POLA1: variants seen among roughly 807,000 people sequenced by gnomAD.
The protein encoded by POLA1 is DNA polymerase alpha catalytic subunit.
Under a neutral mutation model 124.0 loss-of-function variants are expected in POLA1, and 15 were observed. The observed-to-expected ratio is 0.12, with a 90% CI of 0.08 to 0.19. The LOEUF (loss-of-function observed/expected upper bound fraction) is 0.19, where lower values mean the gene tolerates loss of function less well. Among genes scored for constraint, POLA1 ranks in the 10% least tolerant of loss-of-function variants. POLA1 has a pLI of 1.00. For missense variants in POLA1, 886 were observed against 1,103.4 expected (o/e 0.80, Z 2.79); for synonymous variants, 408 against 389.4 (o/e 1.05, Z -0.56).
intron 34 of POLA1, among the ~76,000 whole-genome samples, chrX:24,865,724 A>C (rs1306756455): frequency 8.9e-6 from 1 of 111,821 alleles, no homozygotes; most frequent in African/African-American, 3.2e-5. Context: ...TCAATTTAGG[A>C]TAGAATGCTG....
At chrX:24,830,772 T>A (rs1410079144) in intron 32 of POLA1, among the ~76,000 whole-genome samples, 1 of 112,377 alleles carries the variant, frequency 8.9e-6, no homozygotes, top group East Asian at 2.8e-4. Flanking sequence ...AGGCCAGTGA[T>A]GAGAATAGTC....
At chrX:24,728,037 G>T (rs773919821) in intron 15 of POLA1, 101 bp downstream of exon 15, 3 of 592,147 alleles carry the variant, frequency 5.1e-6, no homozygotes, top group Non-Finnish European at 7.8e-6. Flanking sequence ...TTTTGGAGGG[G>T]AAAGAATACT....
chrX:24,827,880 A>G lies in POLA1; in HGVS notation c.3736+1279A>G, dbSNP rs1374049987. ...CCTTCAGTCTGTAAGATTTGTATAT[A>G]CTTAGTGCTCAACTACGTTTGTAGA... On this transcript the variant is annotated intron_variant, in intron 32 of 36. Coordinates refer to ENST00000379068, the MANE Select transcript of POLA1 (RefSeq NM_001330360.2). Among the ~76,000 whole-genome samples the G allele has an allele frequency of 2.7e-5, 3 of 112,079 alleles. No homozygotes were observed. The Admixed American group carries it at 2.8e-4, about 11-fold the overall frequency.
intron 35 of POLA1, among the ~76,000 whole-genome samples, chrX:24,891,425 C>T (rs1484176601): frequency 1.8e-5 from 2 of 111,397 alleles, no homozygotes; most frequent in Non-Finnish European, 1.9e-5. Flanking sequence ...CTTATGTACT[C>T]GATTTTGAGT....
intron 2 of POLA1, among the ~76,000 whole-genome samples, chrX:24,702,843 C>G (rs1199335685): frequency 8.9e-6 from 1 of 112,354 alleles, no homozygotes; most frequent in South Asian, 3.7e-4. Context: ...GAGCGTACAT[C>G]AGCTAGTGGA....
chrX:24,850,780 C>T (rs938460373), intron 34 of POLA1, among the ~76,000 whole-genome samples: 3 of 112,013 alleles, frequency 2.7e-5, no homozygotes, highest in African/African-American at 9.7e-5. Flanking sequence ...GGATGGAGAA[C>T]TATATGGGAT....
At chrX:24,713,573 C>T (rs1246811327) in intron 4 of POLA1, among the ~76,000 whole-genome samples, 1 of 110,680 alleles carries the variant, frequency 9.0e-6, no homozygotes, top group African/African-American at 3.3e-5. Flanking sequence ...GTGGCAACCA[C>T]GCCTGGCTAA....
chrX:24,709,019 A>ACC (rs1219753299), intron 4 of POLA1, among the ~76,000 whole-genome samples: 1 of 75,688 alleles, frequency 1.3e-5, no homozygotes, highest in South Asian at 6.9e-4. Context: ...AGGGGGGCTG[A>ACC]CCCCCCCCAC....
intron 34 of POLA1, among the ~76,000 whole-genome samples, chrX:24,866,234 C>T (rs948451081): frequency 1.8e-5 from 2 of 111,977 alleles, no homozygotes; most frequent in African/African-American, 3.2e-5. Context: ...TGTGTTTCAG[C>T]ATAGATTATC....
At position 24,843,234 on chromosome X, in the gene POLA1, A is replaced by G. The variant is rs140951032; in HGVS notation, c.3916-312A>G. On this transcript the variant is annotated intron_variant, in intron 33 of 36. Transcript: ENST00000379068. ...TCTGAGAAAGAGGTTTATTTCCAGT[A>G]ACATGACTTCACTGGTATTTACAGA... Among the ~76,000 whole-genome samples the G allele has an allele frequency of 2.4e-3, 268 of 112,296 alleles. 2 individuals carry two copies. The highest frequency in any genetic ancestry group is 7.2e-3 in the African/African-American group (224 of 30,974).
intron 34 of POLA1, 38 bp from the exon 35 acceptor site, chrX:24,887,968 T>C (rs1359643744): frequency 1.2e-6 from 1 of 826,740 alleles, no homozygotes; most frequent in Non-Finnish European, 1.8e-6. Context: ...CTTGTATTTG[T>C]CGATGGTGAT....
chrX:24,980,088 A>G (rs2147286880), intron 36 of POLA1, among the ~76,000 whole-genome samples: 1 of 110,717 alleles, frequency 9.0e-6, no homozygotes, highest in East Asian at 2.8e-4. Context: ...ATTAATAGGG[A>G]GATGGGGGAG....
At chrX:24,968,415 C>T (rs1244229443) in intron 36 of POLA1, among the ~76,000 whole-genome samples, 2 of 111,540 alleles carry the variant, frequency 1.8e-5, no homozygotes, top group Non-Finnish European at 3.8e-5. Flanking sequence ...TAAGAAGAAT[C>T]CAGGCCGGGC....
intron 35 of POLA1, among the ~76,000 whole-genome samples, chrX:24,902,621 T>C (rs1165035606): frequency 2.7e-5 from 3 of 111,929 alleles, no homozygotes; most frequent in Non-Finnish European, 5.6e-5. Flanking sequence ...CTCTGTTCCT[T>C]GTTTGTATCC....
intron 34 of POLA1, among the ~76,000 whole-genome samples, chrX:24,849,863 C>G (rs1184140564): frequency 9.0e-6 from 1 of 111,249 alleles, no homozygotes; most frequent in Non-Finnish European, 1.9e-5. Context: ...ATCTCCTGAC[C>G]TCGTGATTCG....
chrX:24,931,063 C>T (rs1397858494), intron 36 of POLA1, among the ~76,000 whole-genome samples: 1 of 111,170 alleles, frequency 9.0e-6, no homozygotes, highest in African/African-American at 3.3e-5. Flanking sequence ...GCATGGAACC[C>T]TCAGCACTCG....
intron 35 of POLA1, among the ~76,000 whole-genome samples, chrX:24,888,986 C>T (rs190584812): frequency 7.2e-5 from 8 of 110,789 alleles, no homozygotes; most frequent in Admixed American, 1.9e-4. Context: ...TTTCCTGCCT[C>T]AGCCTCCCGA....
At chrX:24,780,226 T>C (rs1176908946) in intron 26 of POLA1, among the ~76,000 whole-genome samples, 1 of 112,267 alleles carries the variant, frequency 8.9e-6, no homozygotes, top group Non-Finnish European at 1.9e-5. Flanking sequence ...TTGGAAGGGT[T>C]CCTTCCTCTT....
At chrX:24,703,808 T>C (rs1443082239) in intron 3 of POLA1, among the ~76,000 whole-genome samples, 1 of 111,772 alleles carries the variant, frequency 8.9e-6, no homozygotes, top group African/African-American at 3.3e-5. Context: ...GTGAGGTGTA[T>C]ATGAGGTTCT....
Sources: allele counts gnomAD v4.1 joint callset (sites outside exome capture counted in the v4.1 genomes callset), GRCh38; gene constraint gnomAD v4.1.1; transcripts MANE v1.5; gene names NCBI Gene and HGNC (gene_info 2026-07-23, HGNC 2026-07-21).